The following ANGPT2 variants were observed in gnomAD, a reference collection of about 807,000 sequenced individuals.
The protein encoded by ANGPT2 is angiopoietin 2, also known as angiopoietin-2.
A neutral mutation model predicts 62.9 loss-of-function variants in ANGPT2; 28 were observed. That is an observed-to-expected ratio of 0.44 (90% CI 0.33 to 0.61). The LOEUF (loss-of-function observed/expected upper bound fraction) is 0.61. Ranked by LOEUF, ANGPT2 falls within the 20% of genes least tolerant of loss-of-function variation. The pLI, the probability that ANGPT2 is intolerant of heterozygous loss-of-function variation, is 0.03. For missense variants in ANGPT2, 727 were observed against 594.9 expected (o/e 1.22, Z -2.31); for synonymous variants, 284 against 207.8 (o/e 1.37, Z -3.15).
rs751740443 is a variant in ANGPT2 at position 6,503,146 on chromosome 8, A to G, written c.1443T>C (p.Tyr481=). ...IKWYYWKGSG[Y]SLKATTMMIR... Reference sequence around the variant, plus strand: ...TCATCATGGTTGTGGCCTTGAGCGAATAGCCTGAGCCTTTCCAGTAGTACC... The same window carrying G: ...TCATCATGGTTGTGGCCTTGAGCGAGTAGCCTGAGCCTTTCCAGTAGTACC... Residue 481 remains tyrosine, a synonymous_variant, in exon 9 of 9, where the codon TAT becomes TAC. Coordinates refer to ENST00000629816, the MANE Select transcript of ANGPT2 (RefSeq NM_001118887.2). 6.2e-7 allele frequency: 1 copy of G among 1,614,192 alleles called. No individual in the cohort carries two copies.
intron 5 of ANGPT2, among the ~76,000 whole-genome samples, chr8:6,515,104 A>C (rs1175443551): frequency 2.0e-5 from 3 of 152,082 alleles, no homozygotes; most frequent in African/African-American, 7.2e-5. Context: ...TTAGAGATTC[A>C]TTATGAATGG....
chr8:6,517,889 C>A (rs977404259), intron 5 of ANGPT2, among the ~76,000 whole-genome samples: 3 of 152,114 alleles, frequency 2.0e-5, no homozygotes, highest in African/African-American at 7.2e-5. Flanking sequence ...CAATTGACAC[C>A]ACTTATTTTT....
At chr8:6,515,566 C>T (rs982232922) in intron 5 of ANGPT2, among the ~76,000 whole-genome samples, 3 of 152,096 alleles carry the variant, frequency 2.0e-5, no homozygotes, top group Admixed American at 6.6e-5. Flanking sequence ...TTAAGCTAAG[C>T]GCATGCATGC....
intron 1 of ANGPT2, among the ~76,000 whole-genome samples, chr8:6,548,961 T>G (rs1823093554): frequency 6.6e-6 from 1 of 152,262 alleles, no homozygotes; most frequent in South Asian, 2.1e-4. Context: ...GGAATTATGT[T>G]TAACCAGTAC....
At chr8:6,511,301 C>A (rs1352742269) in intron 7 of ANGPT2, among the ~76,000 whole-genome samples, 1 of 147,940 alleles carries the variant, frequency 6.8e-6, no homozygotes, top group Admixed American at 6.7e-5. Context: ...TTTTTTTTTT[C>A]AATCTCTGCA....
chr8:6,562,516 A>ACCCGCTCT (rs1825686389), intron 1 of ANGPT2, 131 bp downstream of exon 1: 1 of 779,120 alleles, frequency 1.3e-6, no homozygotes, highest in Non-Finnish European at 1.8e-6. Flanking sequence ...GGTACCAGCA[A>ACCCGCTCT]CCCGCTCTCC....
intron 2 of ANGPT2, among the ~76,000 whole-genome samples, chr8:6,529,085 A>G (rs1247596442): frequency 6.6e-6 from 1 of 152,228 alleles, no homozygotes; most frequent in Non-Finnish European, 1.5e-5. Flanking sequence ...GTGTGGAGGC[A>G]GGGAAGGATG....
rs573972354 is a variant in ANGPT2 at position 6,535,787 on chromosome 8, C to G, written c.289-3300G>C. ...TTTGAGCCAGTCGTGATGGCTCATG[C>G]CTGTAATCCCAGCACTTTGGGAGGC... On this transcript the variant is annotated intron_variant, in intron 1 of 8. Transcript: ENST00000629816. 4.0e-4 allele frequency among the ~76,000 whole-genome samples: 61 copies of G among 152,200 alleles called. 1 individual carries two copies. Among genetic ancestry groups the G allele is most frequent in the South Asian group, 3.7e-3 (18 of 4,818 alleles).
intron 3 of ANGPT2, among the ~76,000 whole-genome samples, chr8:6,526,669 A>T (rs1255557800): frequency 6.6e-6 from 1 of 152,252 alleles, no homozygotes; most frequent in African/African-American, 2.4e-5. Flanking sequence ...GTAAAGAACA[A>T]TTATTGAACA....
At chr8:6,532,573 TTA>T in intron 1 of ANGPT2, 86 bp from the exon 2 acceptor site, 3 of 758,396 alleles carry the variant, frequency 4.0e-6, no homozygotes, top group Non-Finnish European at 5.3e-6. Flanking sequence ...CTCCCTATCT[TTA>T]AAAAAAAAAA....
At position 6,503,042 on chromosome 8, in the gene ANGPT2, G is replaced by A. The variant is rs549102544; in HGVS notation, c.*59C>T. 4 of 1,596,618 alleles carry A rather than the reference G, an allele frequency of 2.5e-6. No individual in the cohort carries two copies. In the South Asian group the frequency reaches 4.5e-5, roughly 18 times the overall value. ...ACAGTGCGCAGCCGTGACTTTCAGT[G>A]CACTGGGCTTAAGTCTTTGAAAATA... On this transcript the variant is annotated 3_prime_UTR_variant, in exon 9 of 9. Transcript: ENST00000629816.
chr8:6,543,496 G>A lies in ANGPT2; in HGVS notation c.289-11009C>T, dbSNP rs7841269. The stretch of plus-strand genomic sequence containing the variant: ...ACGCACTGACGGGCAATGTGCGTGG[G>A]TCGTGGGGAGCATCCAGCTCCCATC... On this transcript the variant is annotated intron_variant, in intron 1 of 8. Coordinates refer to ENST00000629816, the MANE Select transcript of ANGPT2 (RefSeq NM_001118887.2). Among the ~76,000 whole-genome samples, 20 of 152,006 alleles carry A rather than the reference G, an allele frequency of 1.3e-4. No homozygotes were observed. The South Asian group carries it at 4.2e-3, about 32-fold the overall frequency.
chr8:6,532,367 C>G lies in ANGPT2; in HGVS notation c.409G>C (p.Glu137Gln), dbSNP rs370433128. ...IGTNLLNQTA[E>Q]QTRKLTDVEA... is the part of the protein sequence containing the mutation. ...ACATCAGTTAACTTCCGCGTTTGCT[C>G]CGCTGTTTGGTTCAACAGGTTTGTC... The change falls in exon 2 of 9, where the codon GAG (glutamate) becomes CAG (glutamine). Residue 137 changes from glutamate to glutamine, a missense_variant. Physicochemically the swap from Glu to Gln is conservative, Grantham distance 29. Coordinates refer to ENST00000629816, the MANE Select transcript of ANGPT2 (RefSeq NM_001118887.2). 5.0e-6 allele frequency: 8 copies of G among 1,613,922 alleles called. No homozygotes were observed. The African/African-American group carries it at 1.1e-4, about 22-fold the overall frequency.
At chr8:6,559,292 C>A (rs558968689) in intron 1 of ANGPT2, among the ~76,000 whole-genome samples, 4 of 150,928 alleles carry the variant, frequency 2.7e-5, no homozygotes, top group Non-Finnish European at 5.9e-5. Flanking sequence ...GTGGGGCTAG[C>A]GGGCTGGGTT....
intron 3 of ANGPT2, among the ~76,000 whole-genome samples, chr8:6,522,582 T>G (rs1259946876): frequency 3.3e-5 from 5 of 151,966 alleles, no homozygotes; most frequent in Non-Finnish European, 7.4e-5. Flanking sequence ...GAGAGCAGGC[T>G]GGCCAACATG....
At chr8:6,536,494 C>T (rs939086589) in intron 1 of ANGPT2, among the ~76,000 whole-genome samples, 1 of 152,108 alleles carries the variant, frequency 6.6e-6, no homozygotes. Flanking sequence ...ACAGACCACC[C>T]ACCCCTCAGT....
intron 2 of ANGPT2, among the ~76,000 whole-genome samples, chr8:6,528,919 C>G (rs137939903): frequency 2.0e-5 from 3 of 152,160 alleles, no homozygotes; most frequent in Admixed American, 1.3e-4. Flanking sequence ...CCTTGGCCAA[C>G]GTAAGGTTTT....
chr8:6,522,740 C>T (rs1817603074), intron 3 of ANGPT2, among the ~76,000 whole-genome samples: 1 of 151,412 alleles, frequency 6.6e-6, no homozygotes, highest in African/African-American at 2.4e-5. Context: ...TGCCATTGCA[C>T]TCCAGCCTGG....
intron 1 of ANGPT2, among the ~76,000 whole-genome samples, chr8:6,533,436 C>A (rs912952507): frequency 2.6e-5 from 4 of 152,142 alleles, no homozygotes; most frequent in Non-Finnish European, 5.9e-5. Flanking sequence ...AGTTGCTTAA[C>A]CTTTTGGGAC....
Sources: allele counts gnomAD v4.1 joint callset (sites outside exome capture counted in the v4.1 genomes callset), GRCh38; gene constraint gnomAD v4.1.1; transcripts MANE v1.5; gene names NCBI Gene and HGNC (gene_info 2026-07-23, HGNC 2026-07-21).